The following FLNB variants were observed in gnomAD, a reference collection of about 807,000 sequenced individuals.
The protein encoded by FLNB is filamin-B.
FLNB carries 111 observed loss-of-function variants against 250.6 expected under a neutral mutation model. The ratio of observed to expected loss-of-function variants is 0.44; its 90% CI spans 0.38 to 0.52. The LOEUF (loss-of-function observed/expected upper bound fraction) is 0.52. Among genes scored for constraint, FLNB ranks in the 20% least tolerant of loss-of-function variants. The pLI, the probability that FLNB is intolerant of heterozygous loss-of-function variation, is 0.00. For synonymous variants in FLNB, 1,302 were observed against 1,372.1 expected, an observed-to-expected ratio of 0.95 and a Z score of 1.13; for missense variants, 2,869 against 3,447.8, an observed-to-expected ratio of 0.83 and a Z score of 4.20.
Position 58,110,044 on chromosome 3 carries a change from G to A in FLNB, c.2358G>A (p.Arg786=), listed in dbSNP as rs747082030. The part of the protein sequence containing the change: ...DVSVGIKCDA[R]VLSEDEEDVD... ...GTGTTGGCATTAAGTGTGATGCCCG[G>A]GTGTTAAGTGAAGATGAGGAAGACG... Residue 786 remains arginine (R), a synonymous_variant, in exon 16 of 46, where the codon CGG becomes CGA. Transcript: ENST00000295956. 3.7e-6 allele frequency: 6 copies of A among 1,614,136 alleles called. No homozygotes were observed. Among genetic ancestry groups the A allele is most frequent in the East Asian group, 4.5e-5 (2 of 44,884 alleles).
chr3:58,114,551 C>A (rs201380614), intron 18 of FLNB, among the ~76,000 whole-genome samples: 1 of 151,636 alleles, frequency 6.6e-6, no homozygotes, highest in Non-Finnish European at 1.5e-5. Flanking sequence ...ATTATAAACC[C>A]GAAATGGAAT....
chr3:58,166,257 CA>C (rs1440962575), intron 43 of FLNB: 1 of 152,220 alleles, frequency 6.6e-6, no homozygotes, highest in Non-Finnish European at 1.5e-5. Context: ...TTTGGGCCCT[CA>C]CAGTCAAGAT....
intron 1 of FLNB, among the ~76,000 whole-genome samples, chr3:58,017,617 C>T (rs1278728521): frequency 6.6e-6 from 1 of 152,154 alleles, no homozygotes; most frequent in African/African-American, 2.4e-5. Flanking sequence ...ATGTTTGAAG[C>T]TCCTGCCCTC....
intron 34 of FLNB, among the ~76,000 whole-genome samples, chr3:58,147,832 G>A (rs1437753758): frequency 1.3e-5 from 2 of 152,054 alleles, no homozygotes; most frequent in Non-Finnish European, 2.9e-5. Context: ...GCTTATTTTT[G>A]TATTTTTAAT....
chr3:58,009,070 C>T (rs1263474200), intron 1 of FLNB, among the ~76,000 whole-genome samples: 1 of 152,246 alleles, frequency 6.6e-6, no homozygotes, highest in Non-Finnish European at 1.5e-5. Context: ...CCATCCGCCC[C>T]AGCAGTGCAC....
intron 13 of FLNB, 119 bp from the exon 14 acceptor site, chr3:58,109,060 C>G: frequency 8.8e-7 from 1 of 1,133,240 alleles, no homozygotes; most frequent in Non-Finnish European, 1.3e-6. Flanking sequence ...TGTAGTTGGT[C>G]CATGAAGTTT....
intron 26 of FLNB, 59 bp downstream of exon 26, chr3:58,132,990 T>G (rs1303804959): frequency 6.4e-7 from 1 of 1,557,716 alleles, no homozygotes; most frequent in East Asian, 2.3e-5. Flanking sequence ...CACCCATCCA[T>G]TCCTCCATCA....
chr3:58,081,999 T>C (rs1226388599), intron 4 of FLNB, among the ~76,000 whole-genome samples: 1 of 152,162 alleles, frequency 6.6e-6, no homozygotes, highest in Admixed American at 6.5e-5. Flanking sequence ...GCAAGTTTGC[T>C]GCTTGGTGAT....
At chr3:58,019,887 T>C (rs2097111163) in intron 1 of FLNB, among the ~76,000 whole-genome samples, 2 of 152,198 alleles carry the variant, frequency 1.3e-5, no homozygotes, top group South Asian at 4.1e-4. Flanking sequence ...GGGGCAGTAA[T>C]GTCACCGCAG....
chr3:58,169,762 G>T lies in FLNB; in HGVS notation c.7590G>T (p.Lys2530Asn). The change falls in exon 45 of 46, where the codon AAG (lysine) becomes AAT (asparagine). Residue 2530 changes from lysine to asparagine, a missense_variant. Physicochemically the swap from Lys to Asn is moderately conservative, Grantham distance 94. Transcript: ENST00000295956. The surrounding 1 kb of genome is among the most constrained non-coding windows in gnomAD (Gnocchi z 4.8). ...TCTCAAAGGCCTTTGTGGGCCAGAAGAGTTCCTTCCTGGTGGACTGCAGCA... is the reference window on the plus strand; with the variant it reads ...TCTCAAAGGCCTTTGTGGGCCAGAATAGTTCCTTCCTGGTGGACTGCAGCA... ...AGLSKAFVGQ[K>N]SSFLVDCSKA... 3 of 1,600,920 alleles carry T rather than the reference G, an allele frequency of 1.9e-6. No individual in the cohort carries two copies. The highest frequency in any genetic ancestry group is 1.3e-5 in the African/African-American group (1 of 74,580).
chr3:58,102,418 C>T (rs532667138), intron 9 of FLNB, 78 bp downstream of exon 9: 22 of 1,478,916 alleles, frequency 1.5e-5, no homozygotes, highest in African/African-American at 6.9e-5. Flanking sequence ...TTTCATCCCA[C>T]GGCCAGTTGT....
intron 43 of FLNB, among the ~76,000 whole-genome samples, chr3:58,167,486 G>A (rs1424320685): frequency 3.9e-5 from 6 of 152,242 alleles, no homozygotes; most frequent in Admixed American, 6.5e-5. Context: ...AGTGTCTAGG[G>A]CTCTGGCAGA....
intron 41 of FLNB, among the ~76,000 whole-genome samples, chr3:58,156,559 G>A (rs372759173): frequency 8.5e-5 from 13 of 152,288 alleles, no homozygotes; most frequent in African/African-American, 2.9e-4. Context: ...GTAAATCCTT[G>A]CAATAGCCTG....
At position 58,008,432 on chromosome 3, in the gene FLNB, C is replaced by T. The variant is rs953117072; in HGVS notation, c.-133C>T. 45 of 1,105,556 alleles carry T rather than the reference C, an allele frequency of 4.1e-5. No individual in the cohort carries two copies. In the African/African-American group the frequency reaches 4.9e-4, roughly 12 times the overall value. The allele number at this position is 1,105,556 out of a possible 1,614,324, so 68.5% of individuals were successfully genotyped here. ...GGGGCGGGCGGCCGCAGAGCAGCAC[C>T]GGCCGTGGCTCCGGTAGCAGCAAGT... On this transcript the variant is annotated 5_prime_UTR_variant, in exon 1 of 46. Transcript: ENST00000295956.
chr3:58,140,375 A>G (rs2097324794), intron 29 of FLNB, among the ~76,000 whole-genome samples: 1 of 152,224 alleles, frequency 6.6e-6, no homozygotes, highest in African/African-American at 2.4e-5. Flanking sequence ...TCTGACTGAT[A>G]TGTCCCTGCA....
intron 1 of FLNB, among the ~76,000 whole-genome samples, chr3:58,028,751 T>C (rs2097126866): frequency 1.3e-5 from 2 of 149,940 alleles, no homozygotes; most frequent in Admixed American, 1.3e-4. Context: ...GTAGCTGGGA[T>C]TACAGGCATG....
At chr3:58,148,436 T>C in intron 35 of FLNB, 72 bp downstream of exon 35, 1 of 1,531,466 alleles carries the variant, frequency 6.5e-7, no homozygotes, top group Admixed American at 1.9e-5. Flanking sequence ...TGCAGTCCTT[T>C]CTTGGGAATG....
At chr3:58,039,287 T>A (rs1198613888) in intron 1 of FLNB, among the ~76,000 whole-genome samples, 2 of 150,498 alleles carry the variant, frequency 1.3e-5, no homozygotes, top group Non-Finnish European at 2.9e-5. Context: ...TAATTACTTC[T>A]CGTTGGATTA....
chr3:58,132,724 G>A, intron 25 of FLNB, 84 bp from the exon 26 acceptor site: 1 of 1,562,476 alleles, frequency 6.4e-7, no homozygotes, highest in Non-Finnish European at 8.8e-7. Context: ...CTTGGGGATG[G>A]ATGTGGTCCT....
Sources: gnomAD v4.1 joint callset for allele counts (sites outside exome capture counted in the v4.1 genomes callset) on GRCh38, gnomAD v4.1.1 for gene constraint, Gnocchi (gnomAD v3.1) non-coding constraint, MANE v1.5 for transcripts, NCBI Gene and HGNC (gene_info 2026-07-23, HGNC 2026-07-21) for gene names.